Variants in A1CF observed in about 807,000 individuals in gnomAD.
A1CF encodes the protein APOBEC1 complementation factor.
A1CF carries 48 observed loss-of-function variants against 68.9 expected under a neutral mutation model. The ratio of observed to expected loss-of-function variants is 0.70; its 90% CI spans 0.55 to 0.89. The LOEUF is 0.89. Ranked by LOEUF, A1CF falls within the 40% of genes least tolerant of loss-of-function variation. The probability of loss-of-function intolerance (pLI) is 0.00; values close to 1 mark genes in which losing one functional copy is unlikely to be tolerated. For missense variants in A1CF, 653 were observed against 718.9 expected (o/e 0.91, Z 1.05); for synonymous variants, 272 against 260.4 (o/e 1.04, Z -0.43).
intron 3 of A1CF, among the ~76,000 whole-genome samples, chr10:50,853,805 A>T (rs190455807): frequency 0.024 from 3,201 of 134,640 alleles, 34 homozygotes; most frequent in Non-Finnish European, 0.035. Flanking sequence ...CTTTTTTTTA[A>T]AAAAAATGCT....
intron 10 of A1CF, among the ~76,000 whole-genome samples, chr10:50,812,160 G>A (rs1838145971): frequency 6.6e-6 from 1 of 152,268 alleles, no homozygotes; most frequent in Non-Finnish European, 1.5e-5. Context: ...ATTCTCTACA[G>A]TTCTTGGGCA....
At chr10:50,884,922 A>G (rs1841936664) in intron 1 of A1CF, among the ~76,000 whole-genome samples, 2 of 152,344 alleles carry the variant, frequency 1.3e-5, no homozygotes, top group South Asian at 2.1e-4. Context: ...CAGTTGCCCA[A>G]ATTGTGGAAA....
intron 6 of A1CF, among the ~76,000 whole-genome samples, chr10:50,833,131 AC>A (rs1839328194): frequency 6.6e-6 from 1 of 152,206 alleles, no homozygotes; most frequent in Non-Finnish European, 1.5e-5. Context: ...TTAGAGGCTG[AC>A]ATGGGTACTC....
At position 50,858,179 on chromosome 10, in the gene A1CF, CTT is replaced by C. The variant is rs1329052367; in HGVS notation, c.99+1661_99+1662del. 2.0e-5 allele frequency among the ~76,000 whole-genome samples: 3 copies of C among 152,060 alleles called. No individual in the cohort carries two copies. In the East Asian group the frequency reaches 5.8e-4, roughly 29 times the overall value. On this transcript the variant is annotated intron_variant, in intron 3 of 12. Transcript: ENST00000373997. ...ACTGCAACTTTGAATGATTTTATGT[CTT>C]TACTATTATTCCAAACAATCTAGTT...
chr10:50,821,809 T>G (rs1838691838), intron 7 of A1CF, among the ~76,000 whole-genome samples: 1 of 152,132 alleles, frequency 6.6e-6, no homozygotes, highest in Non-Finnish European at 1.5e-5. Context: ...AATGTTGAGA[T>G]TACAGGCATG....
rs3802529 is a variant in A1CF at position 50,816,115 on chromosome 10, A to G, written c.1032T>C (p.Ala344=). The G allele has an allele frequency of 6.2e-7, 1 of 1,613,702 alleles. No individual in the cohort carries two copies. Among genetic ancestry groups the G allele is most frequent in the African/African-American group, 1.3e-5 (1 of 74,886 alleles). Residue 344 remains alanine (A), a synonymous_variant, in exon 9 of 13, where the codon GCT becomes GCC. Transcript: ENST00000373997. ...AGGTCTGGGGGGCATAGAAGACAGG[A>G]GCTCCAAGGTAGGTTGTGGTGGGAT... is the stretch of plus-strand genomic sequence containing the variant. ...VYDPTTTYLG[A]PVFYAPQTYA...
At chr10:50,816,348 A>G in intron 8 of A1CF, 69 bp from the exon 9 acceptor site, 1 of 1,470,048 alleles carries the variant, frequency 6.8e-7, no homozygotes, top group South Asian at 1.2e-5. Context: ...CTGAGCCCTA[A>G]TAACATGACT....
At chr10:50,884,461 T>A (rs1465539052) in intron 1 of A1CF, among the ~76,000 whole-genome samples, 1 of 152,230 alleles carries the variant, frequency 6.6e-6, no homozygotes, top group Non-Finnish European at 1.5e-5. Context: ...AAAACCTTAC[T>A]GCTTTGACAA....
At chr10:50,822,203 G>A (rs1486347726) in intron 7 of A1CF, among the ~76,000 whole-genome samples, 2 of 152,150 alleles carry the variant, frequency 1.3e-5, no homozygotes, top group African/African-American at 4.8e-5. Flanking sequence ...GTTGTACCGA[G>A]ATAGTTGGAT....
Position 50,859,885 on chromosome 10 carries a change from G to C in A1CF, c.56C>G (p.Ala19Gly). 6.2e-7 allele frequency: 1 copy of C among 1,614,004 alleles called. No homozygotes were observed. The highest frequency in any genetic ancestry group is 1.7e-5 in the Admixed American group (1 of 60,010). ...TGTGCGCTGGACCAGTGCGCGGAGG[G>C]CTGCTTCCTTCTGAGTGCCGCTCAA... ...DGLSGTQKEAALRALVQRTGY... is the reference protein window; with the variant it reads ...DGLSGTQKEAGLRALVQRTGY... Residue 19 changes from alanine to glycine, a missense_variant, in exon 3 of 13, where the codon GCC (alanine) becomes GGC (glycine). Transcript: ENST00000373997.
rs1239994458 is a variant in A1CF at position 50,800,160 on chromosome 10, T to C, written c.*6569A>G. On this transcript the variant is annotated 3_prime_UTR_variant, in exon 13 of 13. Coordinates refer to ENST00000373997, the MANE Select transcript of A1CF (RefSeq NM_014576.4). ...GAAATAGTTAATGGCCAAAATGTTTTCAAGTAAATAAAATGTATAGGTACC... is the reference window on the plus strand; with the variant it reads ...GAAATAGTTAATGGCCAAAATGTTTCCAAGTAAATAAAATGTATAGGTACC... 6.6e-6 allele frequency: 1 copy of C among 152,128 alleles called. No individual in the cohort carries two copies. Among genetic ancestry groups the C allele is most frequent in the Non-Finnish European group, 1.5e-5 (1 of 67,962 alleles). 9.4% of individuals were successfully genotyped at this position (152,128 alleles called of 1,614,324 possible). A position where few individuals can be genotyped will look rare whatever the true frequency, so the allele number is the denominator to read the frequency against.
At chr10:50,872,184 A>G (rs1471956473) in intron 1 of A1CF, among the ~76,000 whole-genome samples, 1 of 152,180 alleles carries the variant, frequency 6.6e-6, no homozygotes, top group Non-Finnish European at 1.5e-5. Flanking sequence ...AAAACAAAAA[A>G]CCAAGATAAC....
chr10:50,879,661 T>C (rs986707484), intron 1 of A1CF, among the ~76,000 whole-genome samples: 1 of 152,136 alleles, frequency 6.6e-6, no homozygotes, highest in East Asian at 1.9e-4. Context: ...CCAGGTCTCA[T>C]GAGAATTCAC....
At chr10:50,810,748 G>A (rs1423261200) in intron 11 of A1CF, among the ~76,000 whole-genome samples, 1 of 152,190 alleles carries the variant, frequency 6.6e-6, no homozygotes, top group African/African-American at 2.4e-5. Flanking sequence ...CCGACCTCAA[G>A]TGATCCAGCC....
At chr10:50,885,450 G>A (rs2132651261) in intron 1 of A1CF, 131 bp downstream of exon 1, 1 of 152,252 alleles carries the variant, frequency 6.6e-6, no homozygotes, top group East Asian at 1.9e-4. Flanking sequence ...CTAAAAACAA[G>A]CTAGATAATT....
At chr10:50,851,044 T>C (rs1029000414) in intron 3 of A1CF, among the ~76,000 whole-genome samples, 3 of 152,220 alleles carry the variant, frequency 2.0e-5, no homozygotes, top group Admixed American at 6.5e-5. Context: ...TGCTCTTCTA[T>C]CTTTTCCTAG....
At chr10:50,866,500 C>A (rs941204999) in intron 1 of A1CF, among the ~76,000 whole-genome samples, 2 of 152,180 alleles carry the variant, frequency 1.3e-5, no homozygotes, top group African/African-American at 4.8e-5. Flanking sequence ...GTTCCCGACC[C>A]TGTTGGCCTC....
At chr10:50,866,629 G>A (rs1333997841) in intron 1 of A1CF, among the ~76,000 whole-genome samples, 2 of 152,134 alleles carry the variant, frequency 1.3e-5, no homozygotes, top group South Asian at 2.1e-4. Flanking sequence ...CCTGTTAGCT[G>A]GATAGTATGT....
intron 4 of A1CF, 35 bp downstream of exon 4, chr10:50,843,953 C>T (rs369619233): frequency 4.3e-5 from 70 of 1,610,036 alleles, no homozygotes; most frequent in East Asian, 6.7e-5. Flanking sequence ...TTCCCTTGAA[C>T]GATAAGAAAA....
Sources: gnomAD v4.1 joint callset for allele counts (sites outside exome capture counted in the v4.1 genomes callset) on GRCh38, gnomAD v4.1.1 for gene constraint, MANE v1.5 for transcripts, NCBI Gene and HGNC (gene_info 2026-07-23, HGNC 2026-07-21) for gene names.